The following NPAS3 variants were observed in gnomAD, a reference collection of about 807,000 sequenced individuals.
NPAS3 encodes the protein neuronal PAS domain protein 3.
Under a neutral mutation model 73.1 loss-of-function variants are expected in NPAS3, and 14 were observed. The observed-to-expected ratio is 0.19, with a 90% CI of 0.13 to 0.30. The LOEUF is 0.30. Among genes scored for constraint, NPAS3 ranks in the 10% least tolerant of loss-of-function variants. NPAS3 has a pLI of 1.00. For synonymous variants in NPAS3, 620 were observed against 541.5 expected (o/e 1.14, Z -2.01); for missense variants, 1,096 against 1,250.0 (o/e 0.88, Z 1.86).
Position 33,518,592 on chromosome 14 carries a change from ATT to A in NPAS3, c.469-41512_469-41511del, listed in dbSNP as rs71433619. Among the ~76,000 whole-genome samples, 414 of 128,808 alleles carry A rather than the reference ATT, an allele frequency of 3.2e-3. 1 individual carries two copies. Among genetic ancestry groups the A allele is most frequent in the African/African-American group, 0.011 (375 of 34,848 alleles). The allele number at this position is 128,808 out of a possible 152,430, so 84.5% of individuals were successfully genotyped here. A position where few individuals can be genotyped will look rare whatever the true frequency, so the allele number is the denominator to read the frequency against. Reference sequence around the variant, plus strand: ...ACACCAACATAAACAGACATCAAGGATTTTTTTTTTTTTTTTTTGGCATGTTA... The same window carrying A: ...ACACCAACATAAACAGACATCAAGGATTTTTTTTTTTTTTTTGGCATGTTA... On this transcript the variant is annotated intron_variant, in intron 4 of 11. Transcript: ENST00000356141.
chr14:33,416,720 A>G (rs1368688339), intron 4 of NPAS3, among the ~76,000 whole-genome samples: 1 of 152,028 alleles, frequency 6.6e-6, no homozygotes, highest in Admixed American at 6.6e-5. Context: ...CTCCATCACA[A>G]GAATTAAGTT....
intron 4 of NPAS3, among the ~76,000 whole-genome samples, chr14:33,553,890 G>A (rs1463804235): frequency 1.3e-5 from 2 of 152,140 alleles, no homozygotes; most frequent in African/African-American, 2.4e-5. Context: ...CCTTGAAGTC[G>A]CTTGGAGTCC....
intron 4 of NPAS3, among the ~76,000 whole-genome samples, chr14:33,398,952 C>A (rs925806983): frequency 6.6e-6 from 1 of 152,020 alleles, no homozygotes; most frequent in South Asian, 2.1e-4. Flanking sequence ...GCCATGATTA[C>A]AAGCCTTTCA....
At chr14:33,169,581 C>T (rs10145814) in intron 2 of NPAS3, among the ~76,000 whole-genome samples, 5,271 of 152,202 alleles carry the variant, frequency 0.035, 308 homozygotes, top group African/African-American at 0.12. Context: ...AAAAAACAAA[C>T]ACAAATTTGA....
rs2063670474 is a variant in NPAS3, at chr14:33,800,492, A to C, written c.2185A>C (p.Thr729Pro). The C allele has an allele frequency of 6.8e-6, 10 of 1,467,480 alleles. No individual in the cohort carries two copies. The highest frequency in any genetic ancestry group is 2.8e-5 in the Admixed American group (1 of 35,516). 90.9% of individuals were successfully genotyped at this position (1,467,480 alleles called of 1,614,324 possible). The change falls in exon 12 of 12, where the codon ACT becomes CCT. Residue 729 changes from threonine to proline, a missense_variant. Physicochemically the swap from Thr to Pro is conservative, Grantham distance 38 (BLOSUM62 -1). This residue lies in a region of NPAS3 where 698 missense variants were observed against 676.7 expected (regional missense o/e 1.03). Transcript: ENST00000356141. This position sits in a 1 kb window ranked among gnomAD's most constrained non-coding sequence, Gnocchi z 6.5. The stretch of plus-strand genomic sequence containing the variant: ...CGCCGACGGCGCGGCCGCCCGCAAG[A>C]CTCAGTTCGGCGCCTCGGCCACCGC...
intron 2 of NPAS3, among the ~76,000 whole-genome samples, chr14:33,145,374 CTT>C (rs2044201709): frequency 1.3e-5 from 2 of 152,182 alleles, no homozygotes; most frequent in African/African-American, 4.8e-5. Flanking sequence ...CAAAATCTGT[CTT>C]TGTATGGATC....
At chr14:32,949,295 T>C (rs2036390665) in intron 1 of NPAS3, among the ~76,000 whole-genome samples, 1 of 152,076 alleles carries the variant, frequency 6.6e-6, no homozygotes, top group Non-Finnish European at 1.5e-5. Flanking sequence ...TGTGTTCCTT[T>C]TAATAATTAC....
chr14:33,669,889 T>G (rs560873655), intron 5 of NPAS3, among the ~76,000 whole-genome samples: 2 of 152,224 alleles, frequency 1.3e-5, no homozygotes, highest in South Asian at 4.1e-4. Flanking sequence ...TTTTTGTTGT[T>G]GTTTGTTTTT....
intron 5 of NPAS3, among the ~76,000 whole-genome samples, chr14:33,670,042 T>C (rs1595400488): frequency 6.6e-6 from 1 of 152,172 alleles, no homozygotes; most frequent in Non-Finnish European, 1.5e-5. Context: ...CAGCCTCCCA[T>C]ATGCAGTGTC....
chr14:33,137,781 T>C (rs1167431380), intron 2 of NPAS3, among the ~76,000 whole-genome samples: 1 of 152,200 alleles, frequency 6.6e-6, no homozygotes, highest in Non-Finnish European at 1.5e-5. Flanking sequence ...CATGAAAATA[T>C]ATGTGTTTCT....
intron 7 of NPAS3, among the ~76,000 whole-genome samples, chr14:33,759,999 A>ATCT (rs2062233683): frequency 6.6e-6 from 1 of 152,194 alleles, no homozygotes; most frequent in Non-Finnish European, 1.5e-5. Flanking sequence ...GTCCAGCTGA[A>ATCT]TCTTCACTTG....
intron 3 of NPAS3, among the ~76,000 whole-genome samples, chr14:33,291,255 A>T (rs1408937696): frequency 2.6e-5 from 4 of 152,102 alleles, no homozygotes; most frequent in African/African-American, 9.7e-5. Flanking sequence ...GTTAAGAGAG[A>T]AGCATTATTG....
rs371616539 is a variant in NPAS3, at chr14:33,325,615, G to C, written c.386-41571G>C. On this transcript the variant is annotated intron_variant, in intron 3 of 11. Coordinates refer to ENST00000356141, the Ensembl canonical transcript of NPAS3. ...TGAGTCAAGATCGTGCCCTCAGCCT[G>C]GGTGACAGGGTGAGACTCCGTCTCA... Among the ~76,000 whole-genome samples the C allele has an allele frequency of 4.0e-5, 6 of 150,424 alleles. 1 individual carries two copies. In the East Asian group the frequency reaches 9.8e-4, roughly 24 times the overall value.
At chr14:33,288,797 A>T (rs1298617224) in intron 3 of NPAS3, among the ~76,000 whole-genome samples, 1 of 152,098 alleles carries the variant, frequency 6.6e-6, no homozygotes. Context: ...CAATCTAATC[A>T]TGCACATGTA....
chr14:33,314,623 T>C (rs560003670), intron 3 of NPAS3, among the ~76,000 whole-genome samples: 15 of 152,194 alleles, frequency 9.9e-5, no homozygotes, highest in Middle Eastern at 3.4e-3. Flanking sequence ...AAATATAGAA[T>C]ATTATCGATC....
At chr14:33,680,334 G>A (rs567203903) in intron 6 of NPAS3, among the ~76,000 whole-genome samples, 116 of 152,118 alleles carry the variant, frequency 7.6e-4, no homozygotes, top group Non-Finnish European at 4.7e-4. Flanking sequence ...TAAAAGTGTT[G>A]TGTTTTACTC....
At chr14:33,084,922 G>T (rs1350700850) in intron 2 of NPAS3, among the ~76,000 whole-genome samples, 1 of 152,102 alleles carries the variant, frequency 6.6e-6, no homozygotes, top group Non-Finnish European at 1.5e-5. Flanking sequence ...ATTTTAATGG[G>T]GATGTTTTGG....
At chr14:33,053,387 C>G (rs2040777537) in intron 1 of NPAS3, among the ~76,000 whole-genome samples, 1 of 152,148 alleles carries the variant, frequency 6.6e-6, no homozygotes, top group South Asian at 2.1e-4. Context: ...ACATGTTTCA[C>G]ATGTATGTAA....
intron 8 of NPAS3, 25 bp from the exon 9 acceptor site, chr14:33,778,441 C>G (rs1355114158): frequency 6.7e-7 from 1 of 1,490,264 alleles, no homozygotes; most frequent in Non-Finnish European, 9.4e-7. Context: ...TTTCTGAATT[C>G]CAGCCTGTGT....
Sources: gnomAD v4.1 joint callset for allele counts (sites outside exome capture counted in the v4.1 genomes callset) on GRCh38, gnomAD v4.1.1 for gene constraint, gnomAD v4.1.1 regional missense constraint, Gnocchi (gnomAD v3.1) non-coding constraint, MANE v1.5 for transcripts, NCBI Gene and HGNC (gene_info 2026-07-23, HGNC 2026-07-21) for gene names.